The following PREX1 variants were observed in gnomAD, a reference collection of about 807,000 sequenced individuals.
PREX1 encodes phosphatidylinositol-3,4,5-trisphosphate dependent Rac exchange factor 1.
Under a neutral mutation model 198.3 loss-of-function variants are expected in PREX1, and 41 were observed. The ratio of observed to expected loss-of-function variants is 0.21; its 90% CI spans 0.16 to 0.27. PREX1 has a LOEUF of 0.27. Ranked by LOEUF, PREX1 falls within the 10% of genes least tolerant of loss-of-function variation. The pLI, the probability that PREX1 is intolerant of heterozygous loss-of-function variation, is 1.00. For synonymous variants in PREX1, 843 were observed against 887.2 expected (o/e 0.95, Z 0.89); for missense variants, 1,620 against 2,200.7 (o/e 0.74, Z 5.28).
At chr20:48,702,557 G>T (rs1345896238) in intron 6 of PREX1, among the ~76,000 whole-genome samples, 3 of 152,230 alleles carry the variant, frequency 2.0e-5, no homozygotes, top group Non-Finnish European at 4.4e-5. Flanking sequence ...CTCCCTGCCA[G>T]GGCACATCCT....
intron 1 of PREX1, among the ~76,000 whole-genome samples, chr20:48,758,752 C>A (rs1281574433): frequency 6.6e-6 from 1 of 152,212 alleles, no homozygotes; most frequent in Non-Finnish European, 1.5e-5. Flanking sequence ...GCATCACGGG[C>A]AGGGTCAACA....
intron 15 of PREX1, among the ~76,000 whole-genome samples, chr20:48,665,659 A>G (rs2089634104): frequency 6.6e-6 from 1 of 152,232 alleles, no homozygotes; most frequent in Admixed American, 6.5e-5. Context: ...TTAAACTAAT[A>G]AATATATGTG....
chr20:48,626,893 G>C (rs2089276982), intron 39 of PREX1, among the ~76,000 whole-genome samples: 1 of 152,186 alleles, frequency 6.6e-6, no homozygotes, highest in Non-Finnish European at 1.5e-5. Context: ...GATGGAGAGA[G>C]GATCAGACGG....
chr20:48,705,540 AT>A (rs1255203924), intron 6 of PREX1, among the ~76,000 whole-genome samples: 1 of 152,188 alleles, frequency 6.6e-6, no homozygotes, highest in Non-Finnish European at 1.5e-5. Context: ...ATGGGAAAGG[AT>A]CAAAAGAATA....
the PREX1 span, among the ~76,000 whole-genome samples, chr20:48,846,588 A>C: frequency 1.3e-5 from 2 of 152,156 alleles, no homozygotes; most frequent in African/African-American, 4.8e-5. Flanking sequence ...CAGAGATTAA[A>C]AGCCAGGCAG....
In PREX1 at chr20:48,691,157, C is replaced by T. The variant is rs2089817306; in HGVS notation, c.1037-61G>A. The T allele has an allele frequency of 6.2e-7, 1 of 1,607,568 alleles. No homozygotes were observed. Among genetic ancestry groups the T allele is most frequent in the African/African-American group, 1.3e-5 (1 of 74,792 alleles). Reference sequence around the variant, plus strand: ...TCAGCCGCGTGACCTTCAACACTCCCCATTGCCAAGCCCTTCCGCCCCAGC... The same window carrying T: ...TCAGCCGCGTGACCTTCAACACTCCTCATTGCCAAGCCCTTCCGCCCCAGC... On this transcript the variant is annotated intron_variant, in intron 8 of 39. Coordinates refer to ENST00000371941, the MANE Select transcript of PREX1 (RefSeq NM_020820.4). This position sits in a 1 kb window ranked among gnomAD's most constrained non-coding sequence, Gnocchi z 5.0.
chr20:48,670,748 G>A (rs2089670112), intron 14 of PREX1, among the ~76,000 whole-genome samples: 1 of 152,160 alleles, frequency 6.6e-6, no homozygotes, highest in African/African-American at 2.4e-5. Flanking sequence ...GGTGGTCTCT[G>A]CTCAGACTCA....
intron 1 of PREX1, among the ~76,000 whole-genome samples, chr20:48,807,331 G>A (rs529565990): frequency 6.6e-6 from 1 of 152,012 alleles, no homozygotes; most frequent in Non-Finnish European, 1.5e-5. Flanking sequence ...CAAAATTGGG[G>A]TCCTGCTCTA....
At chr20:48,749,651 A>AG (rs1277180015) in intron 1 of PREX1, among the ~76,000 whole-genome samples, 1 of 152,044 alleles carries the variant, frequency 6.6e-6, no homozygotes, top group East Asian at 1.9e-4. Flanking sequence ...GCCTCTTGGG[A>AG]GGGGGCGCAA....
At chr20:48,734,452 G>A in intron 4 of PREX1, 94 bp downstream of exon 4, 1 of 1,061,288 alleles carries the variant, frequency 9.4e-7, no homozygotes. Flanking sequence ...GAAAGGATTT[G>A]GCACCATGGG....
upstream of PREX1, among the ~76,000 whole-genome samples, chr20:48,831,984 T>A (rs1461386018): frequency 1.3e-5 from 2 of 152,112 alleles, no homozygotes; most frequent in Non-Finnish European, 2.9e-5. Flanking sequence ...TTGACCTCTA[T>A]TCCCTTCTTC....
the PREX1 span, among the ~76,000 whole-genome samples, chr20:48,838,394 A>G: frequency 2.6e-5 from 4 of 152,224 alleles, no homozygotes; most frequent in Admixed American, 6.5e-5. Flanking sequence ...CATCTAAACT[A>G]CAGAAAAGAA....
At chr20:48,825,877 CTG>C (rs2090506506) in intron 1 of PREX1, among the ~76,000 whole-genome samples, 1 of 117,568 alleles carries the variant, frequency 8.5e-6, no homozygotes, top group South Asian at 3.2e-4. Context: ...ACCCCCGAAA[CTG>C]TGAGAGAAGA....
intron 25 of PREX1, among the ~76,000 whole-genome samples, chr20:48,647,519 CAAAAAAAAAAAAAAAA>C (rs765244255): frequency 2.0e-5 from 1 of 49,630 alleles, no homozygotes; most frequent in South Asian, 7.2e-4. Context: ...GACAACATCT[CAAAAAAAAAAAAAAAA>C]AAAAAAGAAC....
At chr20:48,860,646 C>T in the PREX1 span, among the ~76,000 whole-genome samples, 2,145 of 152,190 alleles carry the variant, frequency 0.014, 46 homozygotes, top group African/African-American at 0.047. Context: ...CGAGACCATC[C>T]TGGCTAACAT....
chr20:48,747,214 C>T (rs1018445924), intron 2 of PREX1, among the ~76,000 whole-genome samples: 2 of 152,218 alleles, frequency 1.3e-5, no homozygotes, highest in Non-Finnish European at 2.9e-5. Context: ...ACACCAGGAC[C>T]CTCAGAGCCC....
the PREX1 span, among the ~76,000 whole-genome samples, chr20:48,854,474 T>C: frequency 6.6e-6 from 1 of 151,918 alleles, no homozygotes; most frequent in Non-Finnish European, 1.5e-5. Flanking sequence ...GGTGGGAGGA[T>C]CACTTGAGCC....
intron 4 of PREX1, among the ~76,000 whole-genome samples, chr20:48,729,168 C>A (rs1392822897): frequency 6.6e-6 from 1 of 152,046 alleles, no homozygotes; most frequent in Non-Finnish European, 1.5e-5. Context: ...CCTCTGCCTC[C>A]TAGGTTCAAG....
chr20:48,668,972 C>T (rs1249934972), intron 14 of PREX1, among the ~76,000 whole-genome samples: 1 of 152,088 alleles, frequency 6.6e-6, no homozygotes, highest in Non-Finnish European at 1.5e-5. Flanking sequence ...TAAAGCTAGG[C>T]CAGCAGGGAC....
Sources: gnomAD v4.1 joint callset for allele counts (sites outside exome capture counted in the v4.1 genomes callset) on GRCh38, gnomAD v4.1.1 for gene constraint, Gnocchi (gnomAD v3.1) non-coding constraint, MANE v1.5 for transcripts, NCBI Gene and HGNC (gene_info 2026-07-23, HGNC 2026-07-21) for gene names.